FSTL5: variants seen among roughly 807,000 people sequenced by gnomAD.
FSTL5 encodes the protein follistatin-related protein 5.
A neutral mutation model predicts 89.1 loss-of-function variants in FSTL5; 62 were observed. The observed-to-expected ratio is 0.70, with a 90% CI of 0.57 to 0.86. FSTL5 has a LOEUF of 0.86. Among genes scored for constraint, FSTL5 ranks in the 40% least tolerant of loss-of-function variants. The probability of loss-of-function intolerance (pLI) is 0.00; values close to 1 mark genes in which losing one functional copy is unlikely to be tolerated. For missense variants in FSTL5, 1,057 were observed against 1,001.6 expected (o/e 1.06, Z -0.75); for synonymous variants, 383 against 346.2 (o/e 1.11, Z -1.18).
intron 4 of FSTL5, among the ~76,000 whole-genome samples, chr4:161,805,114 G>C (rs1003894598): frequency 6.6e-6 from 1 of 151,972 alleles, no homozygotes; most frequent in African/African-American, 2.4e-5. Flanking sequence ...TAACATCTTT[G>C]ACTCACACTT....
Position 161,836,492 on chromosome 4 carries a change from A to T in FSTL5, c.410-60418T>A, listed in dbSNP as rs554134796. On this transcript the variant is annotated intron_variant, in intron 4 of 15. Transcript: ENST00000306100. The stretch of plus-strand genomic sequence containing the variant: ...AAAAAGAAAAGAAAAGAAAAAAAAA[A>T]GTAAGAAATGTTCCTGCACAAGCAC... Among the ~76,000 whole-genome samples the T allele has an allele frequency of 1.7e-4, 26 of 151,994 alleles. No individual in the cohort carries two copies. The South Asian group carries it at 3.3e-3, about 19-fold the overall frequency.
At chr4:162,107,432 A>C (rs1731266797) in intron 2 of FSTL5, among the ~76,000 whole-genome samples, 1 of 152,198 alleles carries the variant, frequency 6.6e-6, no homozygotes. Context: ...TTCTGAGTAC[A>C]CTAATTCTAA....
At chr4:161,974,186 A>G (rs757543320) in intron 3 of FSTL5, among the ~76,000 whole-genome samples, 121 of 152,294 alleles carry the variant, frequency 7.9e-4, no homozygotes, top group Non-Finnish European at 1.6e-3. Context: ...ATACTGCCCA[A>G]GGTAATTTAT....
intron 15 of FSTL5, among the ~76,000 whole-genome samples, chr4:161,388,842 T>C (rs1459388402): frequency 6.6e-6 from 1 of 152,112 alleles, no homozygotes; most frequent in Non-Finnish European, 1.5e-5. Flanking sequence ...TCTTTACTCC[T>C]GAACAATTTT....
At chr4:161,485,682 GA>G (rs1560918623) in intron 12 of FSTL5, among the ~76,000 whole-genome samples, 3 of 151,978 alleles carry the variant, frequency 2.0e-5, no homozygotes, top group Non-Finnish European at 4.4e-5. Flanking sequence ...GGAGACTATT[GA>G]ATAGTAACAT....
At chr4:161,752,341 C>T (rs993639093) in intron 6 of FSTL5, among the ~76,000 whole-genome samples, 6 of 152,148 alleles carry the variant, frequency 3.9e-5, no homozygotes, top group Non-Finnish European at 8.8e-5. Flanking sequence ...CTCGCAAAGG[C>T]TACCATCATA....
At chr4:162,066,418 C>CT (rs200641297) in intron 2 of FSTL5, among the ~76,000 whole-genome samples, 1 of 127,962 alleles carries the variant, frequency 7.8e-6, no homozygotes, top group Admixed American at 8.2e-5. Context: ...AGTTTTTCAC[C>CT]TTTTTTTTTT....
intron 8 of FSTL5, among the ~76,000 whole-genome samples, chr4:161,559,903 C>T (rs61577718): frequency 0.39 from 59,226 of 151,518 alleles, 11,639 homozygotes; most frequent in Admixed American, 0.45. Context: ...GGCCACAAAC[C>T]TGTGCAGTAT....
At chr4:161,770,114 G>T (rs1016953413) in intron 5 of FSTL5, among the ~76,000 whole-genome samples, 13 of 152,004 alleles carry the variant, frequency 8.6e-5, no homozygotes, top group Admixed American at 4.6e-4. Context: ...GCCAGGCACA[G>T]AAAGACAAAC....
chr4:161,649,183 T>TA (rs1289394653), intron 7 of FSTL5, among the ~76,000 whole-genome samples: 1 of 152,198 alleles, frequency 6.6e-6, no homozygotes, highest in Non-Finnish European at 1.5e-5. Flanking sequence ...CCTGAAAACC[T>TA]ATATAATGAG....
chr4:161,391,009 C>T (rs111768601), intron 15 of FSTL5, among the ~76,000 whole-genome samples: 8 of 152,084 alleles, frequency 5.3e-5, no homozygotes, highest in African/African-American at 9.7e-5. Context: ...CCTTCGCACG[C>T]GCATTAATTG....
chr4:161,606,207 C>G (rs578040659), intron 7 of FSTL5, among the ~76,000 whole-genome samples: 107 of 151,636 alleles, frequency 7.1e-4, no homozygotes, highest in African/African-American at 2.2e-3. Context: ...CCAAGCTGAC[C>G]CCCAAATTTT....
chr4:161,694,214 A>G (rs1266325938), intron 6 of FSTL5, among the ~76,000 whole-genome samples: 2 of 152,126 alleles, frequency 1.3e-5, no homozygotes, highest in African/African-American at 4.8e-5. Flanking sequence ...TTTTAAATGT[A>G]GATATTTAGA....
chr4:161,735,357 A>G (rs534676795), intron 6 of FSTL5, among the ~76,000 whole-genome samples: 1 of 152,236 alleles, frequency 6.6e-6, no homozygotes, highest in South Asian at 2.1e-4. Context: ...TTGAGTTTTT[A>G]TGGAGACTTC....
intron 8 of FSTL5, among the ~76,000 whole-genome samples, chr4:161,585,253 C>T (rs1202170158): frequency 2.6e-5 from 4 of 152,136 alleles, no homozygotes; most frequent in South Asian, 4.1e-4. Flanking sequence ...TGTAAGAAAC[C>T]TACATCAGAC....
At chr4:161,490,493 G>A (rs1729828873) in intron 12 of FSTL5, among the ~76,000 whole-genome samples, 1 of 152,000 alleles carries the variant, frequency 6.6e-6, no homozygotes, top group Non-Finnish European at 1.5e-5. Flanking sequence ...TGTGACTGCT[G>A]GATTATCCAC....
chr4:161,575,329 C>T (rs894245558), intron 8 of FSTL5, among the ~76,000 whole-genome samples: 1 of 152,170 alleles, frequency 6.6e-6, no homozygotes, highest in East Asian at 1.9e-4. Context: ...TTTTGCTGTA[C>T]AGAAACTCTT....
intron 1 of FSTL5, among the ~76,000 whole-genome samples, chr4:162,122,628 C>T (rs1237086795): frequency 6.6e-6 from 1 of 151,940 alleles, no homozygotes; most frequent in Non-Finnish European, 1.5e-5. Flanking sequence ...TAAGGAACAA[C>T]ATCTGTATGT....
At chr4:162,003,305 C>T (rs1736520204) in intron 3 of FSTL5, among the ~76,000 whole-genome samples, 1 of 152,046 alleles carries the variant, frequency 6.6e-6, no homozygotes, top group Non-Finnish European at 1.5e-5. Flanking sequence ...CATTCCATTA[C>T]CCAGTGGTAC....
Sources: allele counts gnomAD v4.1 joint callset (sites outside exome capture counted in the v4.1 genomes callset), GRCh38; gene constraint gnomAD v4.1.1; transcripts MANE v1.5; gene names NCBI Gene and HGNC (gene_info 2026-07-23, HGNC 2026-07-21).